The following DNA2 variants were observed in gnomAD, a reference collection of about 807,000 sequenced individuals.
DNA2 encodes the protein DNA replication helicase/nuclease 2.
Under a neutral mutation model 119.1 loss-of-function variants are expected in DNA2, and 101 were observed. That is an observed-to-expected ratio of 0.85 (90% CI 0.72 to 1.00). DNA2 has a LOEUF of 1.00. Among genes scored for constraint, DNA2 ranks in the 50% least tolerant of loss-of-function variants. The pLI, the probability that DNA2 is intolerant of heterozygous loss-of-function variation, is 0.00. For synonymous variants in DNA2, 366 were observed against 424.4 expected (o/e 0.86, Z 1.69); for missense variants, 1,121 against 1,255.5 (o/e 0.89, Z 1.62).
intron 10 of DNA2, among the ~76,000 whole-genome samples, chr10:68,434,647 G>A (rs2051864583): frequency 1.4e-5 from 2 of 139,164 alleles, no homozygotes. Flanking sequence ...GAGACCATGT[G>A]TCAAAAAAAA....
In DNA2 at chr10:68,459,408, A is replaced by C. The variant is rs558544743; in HGVS notation, c.588-173T>G. Among the ~76,000 whole-genome samples, 4 of 152,360 alleles carry C rather than the reference A, an allele frequency of 2.6e-5. No individual in the cohort carries two copies. In the East Asian group the frequency reaches 7.7e-4, roughly 29 times the overall value. ...GGATAAACAAAATGTGGCATATTCC[A>C]TACAATGCAGTATTATTCAGCTATA... is the stretch of plus-strand genomic sequence containing the variant. On this transcript the variant is annotated intron_variant, in intron 4 of 20. Coordinates refer to ENST00000358410, the MANE Select transcript of DNA2 (RefSeq NM_001080449.3).
chr10:68,433,723 G>A (rs116386421), intron 10 of DNA2, among the ~76,000 whole-genome samples: 3,829 of 152,044 alleles, frequency 0.025, 158 homozygotes, highest in African/African-American at 0.087. Context: ...AGAGATGGGG[G>A]TCTCACTATG....
At chr10:68,432,610 G>T in intron 10 of DNA2, 100 bp from the exon 11 acceptor site, 1 of 733,304 alleles carries the variant, frequency 1.4e-6, no homozygotes, top group Non-Finnish European at 2.3e-6. Context: ...GGCCAGAATA[G>T]CTATTAAAAT....
At position 68,422,420 on chromosome 10, in the gene DNA2, C is replaced by T. The variant is rs543180602; in HGVS notation, c.2502G>A (p.Met834Ile). The T allele has an allele frequency of 6.2e-7, 1 of 1,613,204 alleles. No individual in the cohort carries two copies. The highest frequency in any genetic ancestry group is 1.3e-5 in the African/African-American group (1 of 74,962). Residue 834 changes from methionine (M) to isoleucine (I), a missense_variant, in exon 17 of 21, where the codon ATG becomes ATA. Coordinates refer to ENST00000358410, the MANE Select transcript of DNA2 (RefSeq NM_001080449.3). Reference protein sequence around the residue: ...TVQYRMNSKIMSLSNKLTYEG... With the variant: ...TVQYRMNSKIISLSNKLTYEG... The stretch of plus-strand genomic sequence containing the variant: ...CATAGGTCAGCTTATTACTTAAGGA[C>T]ATAATTTTACTAAGGGAATTACAAA...
At chr10:68,417,282 A>AT (rs1270040002) in intron 19 of DNA2, among the ~76,000 whole-genome samples, 105 of 149,634 alleles carry the variant, frequency 7.0e-4, no homozygotes, top group Non-Finnish European at 5.9e-5. Flanking sequence ...AACTGAGTAG[A>AT]TGAGGGATGG....
At chr10:68,464,160 T>C (rs1020605577) in intron 4 of DNA2, among the ~76,000 whole-genome samples, 7 of 152,226 alleles carry the variant, frequency 4.6e-5, no homozygotes, top group Non-Finnish European at 7.3e-5. Flanking sequence ...AAGTCTCATA[T>C]ATTGCCAGTA....
chr10:68,434,078 C>G (rs2051855963), intron 10 of DNA2, among the ~76,000 whole-genome samples: 1 of 151,938 alleles, frequency 6.6e-6, no homozygotes, highest in Admixed American at 6.6e-5. Flanking sequence ...AATTTGGGAC[C>G]AGCCTGGACA....
rs1052365448 is a variant in DNA2 at position 68,414,183 on chromosome 10, A to T, written c.*856T>A. 6 of 151,916 alleles carry T rather than the reference A, an allele frequency of 3.9e-5. No homozygotes were observed. The highest frequency in any genetic ancestry group is 1.4e-4 in the African/African-American group (6 of 41,396). The allele number at this position is 151,916 out of a possible 1,614,324, so 9.4% of individuals were successfully genotyped here. A position where few individuals can be genotyped will look rare whatever the true frequency, so the allele number is the denominator to read the frequency against. On this transcript the variant is annotated 3_prime_UTR_variant, in exon 21 of 21. Coordinates refer to ENST00000358410, the MANE Select transcript of DNA2 (RefSeq NM_001080449.3). ...CTCATTAAAAAAAACCCTCAAGAGA[A>T]ATGGAAGATTTCCAAGCCCCAGAAG...
At chr10:68,437,917 G>A (rs1181533577) in intron 9 of DNA2, among the ~76,000 whole-genome samples, 1 of 151,954 alleles carries the variant, frequency 6.6e-6, no homozygotes. Flanking sequence ...TCACCATGTT[G>A]GCCAGGCTGG....
At chr10:68,416,603 T>C in intron 20 of DNA2, 106 bp downstream of exon 20, 1 of 1,193,310 alleles carries the variant, frequency 8.4e-7, no homozygotes. Flanking sequence ...AGCCCAGGAG[T>C]TCAAGACCAG....
intron 10 of DNA2, among the ~76,000 whole-genome samples, chr10:68,432,765 C>A (rs1220880359): frequency 6.6e-6 from 1 of 152,152 alleles, no homozygotes; most frequent in African/African-American, 2.4e-5. Flanking sequence ...GCTGAAAATT[C>A]ATTTACCCTT....
intron 10 of DNA2, 46 bp downstream of exon 10, chr10:68,436,965 T>C (rs950124111): frequency 3.5e-6 from 5 of 1,421,486 alleles, no homozygotes; most frequent in Non-Finnish European, 4.9e-6. Flanking sequence ...CAGATGTGAA[T>C]TATATATCAA....
At chr10:68,427,949 C>T (rs1245996304) in intron 14 of DNA2, among the ~76,000 whole-genome samples, 6 of 151,610 alleles carry the variant, frequency 4.0e-5, no homozygotes, top group Non-Finnish European at 8.8e-5. Context: ...AGGAGAATTG[C>T]TTGAACCTGG....
At chr10:68,442,625 G>A (rs1459926137) in intron 9 of DNA2, among the ~76,000 whole-genome samples, 2 of 152,172 alleles carry the variant, frequency 1.3e-5, no homozygotes, top group Non-Finnish European at 2.9e-5. Context: ...GACCTCAGGT[G>A]ATCCACCCAC....
rs915293726 is a variant in DNA2, at chr10:68,430,035, C to G, written c.2208+401G>C. On this transcript the variant is annotated intron_variant, in intron 14 of 20. Coordinates refer to ENST00000358410, the MANE Select transcript of DNA2 (RefSeq NM_001080449.3). ...AGTAGCTGGAATTACAGGCGCCCAC[C>G]ACCACGCCCGGCTAATTTTTTTTGT... 4.0e-5 allele frequency among the ~76,000 whole-genome samples: 6 copies of G among 151,612 alleles called. No homozygotes were observed. In the South Asian group the frequency reaches 6.3e-4, roughly 16 times the overall value.
In DNA2 at chr10:68,446,378, T is replaced by C; in HGVS notation, c.975A>G (p.Arg325=). Residue 325 remains arginine, a synonymous_variant, in exon 7 of 21, where the codon AGA becomes AGG. Coordinates refer to ENST00000358410, the MANE Select transcript of DNA2 (RefSeq NM_001080449.3). ...GAAGCAAGCCAGCCTCTGGATCAGC[T>C]CTTCTCTCTTGGCTTAGTAGAGTGT... ...VLYTLLSQER[R]ADPEAGLLLY... The C allele has an allele frequency of 6.3e-7, 1 of 1,595,340 alleles. No individual in the cohort carries two copies. Among genetic ancestry groups the C allele is most frequent in the Non-Finnish European group, 8.5e-7 (1 of 1,170,454 alleles).
chr10:68,454,185 C>A (rs2052155272), intron 5 of DNA2, among the ~76,000 whole-genome samples: 1 of 152,118 alleles, frequency 6.6e-6, no homozygotes, highest in Admixed American at 6.6e-5. Context: ...TTATTATTTT[C>A]ATCTACCACC....
rs369777357 is a variant in DNA2, at chr10:68,437,002, T to C, written c.1646+9A>G. 5.6e-6 allele frequency: 9 copies of C among 1,593,622 alleles called. No individual in the cohort carries two copies. Among genetic ancestry groups the C allele is most frequent in the Non-Finnish European group, 7.7e-6 (9 of 1,166,334 alleles). On this transcript the variant is annotated intron_variant, in intron 10 of 20. Coordinates refer to ENST00000358410, the MANE Select transcript of DNA2 (RefSeq NM_001080449.3). ...AAAGCTGTTATCAAAAAAAGTAACA[T>C]TTCATTACCTGTCTAATAAACAAGT...
chr10:68,458,482 C>T (rs966812531), intron 5 of DNA2, among the ~76,000 whole-genome samples: 68 of 138,460 alleles, frequency 4.9e-4, no homozygotes, highest in Non-Finnish European at 8.8e-4. Flanking sequence ...TGCAGTAAGC[C>T]GAAATCATGC....
Sources: allele counts gnomAD v4.1 joint callset (sites outside exome capture counted in the v4.1 genomes callset), GRCh38; gene constraint gnomAD v4.1.1; transcripts MANE v1.5; gene names NCBI Gene and HGNC (gene_info 2026-07-23, HGNC 2026-07-21).